The following RIMBP2 variants were observed in gnomAD, a reference collection of about 807,000 sequenced individuals.
The protein encoded by RIMBP2 is RIMS binding protein 2, also known as RIMS-binding protein 2.
RIMBP2 carries 48 observed loss-of-function variants against 118.6 expected under a neutral mutation model. That is an observed-to-expected ratio of 0.40 (90% CI 0.32 to 0.51). The LOEUF (loss-of-function observed/expected upper bound fraction) is 0.51. Ranked by LOEUF, RIMBP2 falls within the 20% of genes least tolerant of loss-of-function variation. The probability of loss-of-function intolerance (pLI) is 0.41; values close to 1 mark genes in which losing one functional copy is unlikely to be tolerated. For synonymous variants in RIMBP2, 762 were observed against 742.9 expected (o/e 1.03, Z -0.42); for missense variants, 1,551 against 1,768.3 (o/e 0.88, Z 2.20).
intron 2 of RIMBP2, among the ~76,000 whole-genome samples, chr12:130,543,595 G>A (rs1385064363): frequency 6.6e-6 from 1 of 152,058 alleles, no homozygotes. Flanking sequence ...ATATGAAGAT[G>A]CCTCACGAGG....
intron 1 of RIMBP2, among the ~76,000 whole-genome samples, chr12:130,700,488 AG>A (rs1306099621): frequency 2.0e-5 from 3 of 152,198 alleles, no homozygotes; most frequent in African/African-American, 7.2e-5. Flanking sequence ...ATGCTGGGTC[AG>A]GGGCCCTCAA....
chr12:130,540,594 G>A (rs34578419), intron 2 of RIMBP2, among the ~76,000 whole-genome samples: 20 of 152,094 alleles, frequency 1.3e-4, no homozygotes, highest in East Asian at 5.8e-4. Context: ...CAGAACCTTC[G>A]CCCGTCATGA....
intron 2 of RIMBP2, among the ~76,000 whole-genome samples, chr12:130,608,256 T>C (rs1020046103): frequency 2.0e-5 from 3 of 152,110 alleles, no homozygotes; most frequent in African/African-American, 7.2e-5. Flanking sequence ...AACAGGACAA[T>C]GGGAAACCAA....
rs1413155757 is a variant in RIMBP2, at chr12:130,710,962, A to G, written c.-352+5260T>C. On this transcript the variant is annotated intron_variant, in intron 1 of 22. Coordinates refer to ENST00000690449, the MANE Select transcript of RIMBP2 (RefSeq NM_001393629.1). The surrounding 1 kb of genome is among the most constrained non-coding windows in gnomAD (Gnocchi z 4.3). ...GTGAGCATTAAGAAGAGGCTATCTGACCAGGCACAGTGGCTCATGCCTGTA... is the reference window on the plus strand; with the variant it reads ...GTGAGCATTAAGAAGAGGCTATCTGGCCAGGCACAGTGGCTCATGCCTGTA... Among the ~76,000 whole-genome samples, 1 of 152,198 alleles carries G rather than the reference A, an allele frequency of 6.6e-6. No homozygotes were observed. The highest frequency in any genetic ancestry group is 1.9e-4 in the East Asian group (1 of 5,186).
intron 21 of RIMBP2, among the ~76,000 whole-genome samples, chr12:130,402,808 G>A (rs893772000): frequency 2.6e-5 from 4 of 152,202 alleles, no homozygotes; most frequent in Non-Finnish European, 4.4e-5. Context: ...ATTATCTCCC[G>A]TACCTTAGTA....
intron 1 of RIMBP2, among the ~76,000 whole-genome samples, chr12:130,663,402 A>G (rs950974445): frequency 2.0e-5 from 3 of 152,022 alleles, no homozygotes; most frequent in Non-Finnish European, 4.4e-5. Context: ...GATTTCAACT[A>G]GGCAAGTTCA....
At chr12:130,416,701 A>C (rs775574770) in intron 17 of RIMBP2, among the ~76,000 whole-genome samples, 1 of 152,234 alleles carries the variant, frequency 6.6e-6, no homozygotes, top group Non-Finnish European at 1.5e-5. Context: ...AACAATTGCC[A>C]CACAAACAAA....
intron 17 of RIMBP2, among the ~76,000 whole-genome samples, chr12:130,421,809 A>G (rs1418607664): frequency 6.6e-6 from 1 of 151,914 alleles, no homozygotes; most frequent in African/African-American, 2.4e-5. Context: ...CCTTGCCATG[A>G]TTGATTCCAA....
At chr12:130,423,351 C>T (rs537341185) in intron 16 of RIMBP2, among the ~76,000 whole-genome samples, 24 of 152,308 alleles carry the variant, frequency 1.6e-4, no homozygotes, top group Admixed American at 5.2e-4. Flanking sequence ...CACTGAGGCA[C>T]GGATCTCGCA....
intron 2 of RIMBP2, among the ~76,000 whole-genome samples, chr12:130,612,592 T>C (rs1319650347): frequency 1.3e-5 from 2 of 152,152 alleles, no homozygotes; most frequent in Admixed American, 1.3e-4. Context: ...TTTAAAATAA[T>C]TAAAACACCA....
chr12:130,480,236 C>CACACACACACA (rs57955292), intron 4 of RIMBP2, among the ~76,000 whole-genome samples: 6 of 148,886 alleles, frequency 4.0e-5, no homozygotes, highest in East Asian at 2.1e-4. Flanking sequence ...CACACACACA[C>CACACACACACA]CTGTGGTAAC....
At chr12:130,535,739 A>ATATATATATG (rs2053986298) in intron 2 of RIMBP2, among the ~76,000 whole-genome samples, 1 of 9,610 alleles carries the variant, frequency 1.0e-4, no homozygotes, top group Non-Finnish European at 3.6e-4. Context: ...ATATATATAC[A>ATATATATATG]TATATATATA....
At chr12:130,595,570 TAAAATA>T (rs1261349576) in intron 2 of RIMBP2, among the ~76,000 whole-genome samples, 7 of 151,506 alleles carry the variant, frequency 4.6e-5, no homozygotes, top group Non-Finnish European at 1.0e-4. Flanking sequence ...ATAATAATAA[TAAAATA>T]AAAATAAAAA....
chr12:130,397,558 T>C lies in RIMBP2; in HGVS notation c.3901-9A>G, dbSNP rs998744710. 1.0e-5 allele frequency: 4 copies of C among 398,858 alleles called. No homozygotes were observed. Among genetic ancestry groups the C allele is most frequent in the African/African-American group, 6.2e-5 (3 of 48,594 alleles). 24.7% of individuals were successfully genotyped at this position (398,858 alleles called of 1,614,324 possible). ...GAACCCTCAGGAGGAACCTAGTAGG[T>C]ACAGTGTTACAGTTTATTGAGTGTG... On this transcript the variant is annotated splice_polypyrimidine_tract_variant and intron_variant, in intron 22 of 22. Transcript: ENST00000690449.
In RIMBP2 at chr12:130,441,447, A is replaced by AATTATT. The variant is rs1555251246; in HGVS notation, c.1504+400_1504+401insAATAAT. ...TAATAATAATAATAATAATAATAATAATTTACAAGGACGAGAAAGAAGGAA... is the reference window on the plus strand; with the variant it reads ...TAATAATAATAATAATAATAATAATAATTATTATTTACAAGGACGAGAAAGAAGGAA... On this transcript the variant is annotated intron_variant, in intron 11 of 22. Transcript: ENST00000690449. 2.5e-3 allele frequency among the ~76,000 whole-genome samples: 359 copies of AATTATT among 141,050 alleles called. 1 individual carries two copies. The highest frequency in any genetic ancestry group is 8.9e-3 in the African/African-American group (340 of 38,380). The allele number at this position is 141,050 out of a possible 152,430, so 92.5% of individuals were successfully genotyped here.
intron 2 of RIMBP2, among the ~76,000 whole-genome samples, chr12:130,590,356 C>A (rs1188797939): frequency 6.6e-6 from 1 of 152,166 alleles, no homozygotes; most frequent in Non-Finnish European, 1.5e-5. Flanking sequence ...GAGATAGACT[C>A]CCCAGGGCCA....
chr12:130,603,388 G>T (rs1452157403), intron 2 of RIMBP2, among the ~76,000 whole-genome samples: 1 of 152,168 alleles, frequency 6.6e-6, no homozygotes, highest in Non-Finnish European at 1.5e-5. Context: ...TGCTCGGAAG[G>T]CAGGTGTAAG....
At chr12:130,694,720 C>G (rs1239463628) in intron 1 of RIMBP2, among the ~76,000 whole-genome samples, 2 of 152,194 alleles carry the variant, frequency 1.3e-5, no homozygotes, top group Admixed American at 1.3e-4. Flanking sequence ...GCTTGCCACA[C>G]AGGAGGTAGC....
chr12:130,529,846 CAT>C (rs1298880978), intron 2 of RIMBP2, among the ~76,000 whole-genome samples: 1 of 152,082 alleles, frequency 6.6e-6, no homozygotes, highest in African/African-American at 2.4e-5. Flanking sequence ...AGATCCCTCA[CAT>C]GTGCAGTTCA....
Sources: allele counts gnomAD v4.1 joint callset (sites outside exome capture counted in the v4.1 genomes callset), GRCh38; gene constraint gnomAD v4.1.1; non-coding constraint Gnocchi (gnomAD v3.1); transcripts MANE v1.5; gene names NCBI Gene and HGNC (gene_info 2026-07-23, HGNC 2026-07-21).